TRIM14: variants seen among roughly 807,000 people sequenced by gnomAD.
TRIM14 encodes tripartite motif containing 14, also known as tripartite motif-containing protein 14.
TRIM14 carries 28 observed loss-of-function variants against 44.5 expected under a neutral mutation model. That is an observed-to-expected ratio of 0.63 (90% confidence interval 0.47 to 0.86). The LOEUF is 0.86. TRIM14 is among the 40% of genes least tolerant of loss of function. The probability of loss-of-function intolerance (pLI) is 0.00; values close to 1 mark genes in which losing one functional copy is unlikely to be tolerated. For missense variants in TRIM14, 607 were observed against 611.1 expected (o/e 0.99, Z 0.07); for synonymous variants, 299 against 269.2 (o/e 1.11, Z -1.08).
At chr9:98,067,105 AACTC>A (rs1219265794), downstream of TRIM14, among the ~76,000 whole-genome samples, 2 of 152,094 alleles carry the variant, frequency 1.3e-5, no homozygotes, top group African/African-American at 4.8e-5. Flanking sequence ...TTTTTTGACT[AACTC>A]ATAATTCAAT....
At chr9:98,045,831 G>C in the TRIM14 span, among the ~76,000 whole-genome samples, 206 of 152,286 alleles carry the variant, frequency 1.4e-3, 2 homozygotes, top group African/African-American at 4.8e-3. Context: ...GGAGCAGCTG[G>C]GGATCATGGT....
At chr9:98,104,828 G>A (rs749153996) in intron 2 of TRIM14, among the ~76,000 whole-genome samples, 4 of 152,238 alleles carry the variant, frequency 2.6e-5, no homozygotes, top group Non-Finnish European at 5.9e-5. Context: ...TCTGGGTCCT[G>A]TGGAGAGTGA....
chr9:98,082,822 A>G (rs1277859459), downstream of TRIM14: 3 of 1,610,932 alleles, frequency 1.9e-6, no homozygotes, highest in Admixed American at 1.7e-5. Context: ...TGAAGCTGGC[A>G]CTGAATGTTC....
intron 1 of TRIM14, among the ~76,000 whole-genome samples, chr9:98,116,558 C>T (rs1442600982): frequency 6.6e-6 from 1 of 151,990 alleles, no homozygotes; most frequent in East Asian, 1.9e-4. Context: ...AAATCCAGGC[C>T]AGGCGTGGTG....
At chr9:98,070,318 A>G (rs1221846176) in intron 6 of TRIM14, among the ~76,000 whole-genome samples, 1 of 152,034 alleles carries the variant, frequency 6.6e-6, no homozygotes, top group African/African-American at 2.4e-5. Context: ...GGGTTTCACC[A>G]TGTTGACCAG....
In TRIM14 at chr9:98,119,184, G is replaced by T; in HGVS notation, c.5C>A (p.Ala2Glu). The change falls in exon 1 of 6, where the codon GCG (alanine) becomes GAG (glutamate). Residue 2 changes from alanine to glutamate, a missense_variant. Ala to Glu is a moderately radical substitution (Grantham distance 107, BLOSUM62 -1). Around this residue, in one of 3 missense-constraint regions of TRIM14, gnomAD observed 246 missense variants for 270.8 expected, o/e 0.91. Transcript: ENST00000341469. MAGAATGSRTPG... is the reference protein window; with the variant it reads MEGAATGSRTPG... ...GGTCCGGCTCCCGGTCGCCGCGCCC[G>T]CCATTCATCTCCACCTCCTCCGGCT... 3 of 1,572,924 alleles carry T rather than the reference G, an allele frequency of 1.9e-6. No homozygotes were observed. Among genetic ancestry groups the T allele is most frequent in the Non-Finnish European group, 2.6e-6 (3 of 1,169,926 alleles).
chr9:98,064,500 C>T (rs980684182), downstream of TRIM14, among the ~76,000 whole-genome samples: 64 of 152,150 alleles, frequency 4.2e-4, 2 homozygotes, highest in Non-Finnish European at 1.3e-4. Context: ...CAGTGATCCG[C>T]CTGCCTCGGC....
At chr9:98,092,592 C>G (rs1826038232) in intron 4 of TRIM14, 2 of 244,358 alleles carry the variant, frequency 8.2e-6, no homozygotes, top group Non-Finnish European at 8.7e-6. Flanking sequence ...CTGTTTAAAT[C>G]AAGTTTTGCC....
chr9:98,087,776 G>A lies in TRIM14; in HGVS notation c.1023C>T (p.Tyr341=). Residue 341 remains tyrosine (Y), a synonymous_variant, in exon 6 of 6, where the codon TAC becomes TAT. Transcript: ENST00000341469. ...AGGCCCCGCGGCGCCGAAGGGAGGC[G>A]TAGGCCGCGCCCACCCACCAGCCGG... is the stretch of plus-strand genomic sequence containing the variant. ...AGAGWWVGAA[Y]ASLRRRGASA... The A allele has an allele frequency of 6.6e-7, 1 of 1,513,226 alleles. No individual in the cohort carries two copies. The highest frequency in any genetic ancestry group is 8.8e-7 in the Non-Finnish European group (1 of 1,141,504). The allele number at this position is 1,513,226 out of a possible 1,614,324, so 93.7% of individuals were successfully genotyped here.
intron 6 of TRIM14, among the ~76,000 whole-genome samples, chr9:98,071,521 A>C (rs1225590426): frequency 6.6e-6 from 1 of 152,252 alleles, no homozygotes; most frequent in East Asian, 1.9e-4. Context: ...GTTAATATAA[A>C]GCATAGTACA....
chr9:98,065,675 C>T (rs893396337), downstream of TRIM14, among the ~76,000 whole-genome samples: 2 of 149,382 alleles, frequency 1.3e-5, no homozygotes, highest in African/African-American at 2.5e-5. Flanking sequence ...AGAATGATAA[C>T]GGTTTGGCTG....
chr9:98,103,171 C>T (rs563995087), intron 2 of TRIM14, among the ~76,000 whole-genome samples: 47 of 151,558 alleles, frequency 3.1e-4, no homozygotes, highest in Admixed American at 8.5e-4. Context: ...GGCAACAGAA[C>T]GAGACTCCAT....
the TRIM14 span, among the ~76,000 whole-genome samples, chr9:98,041,784 G>T: frequency 1.4e-4 from 21 of 151,184 alleles, no homozygotes; most frequent in African/African-American, 5.1e-4. Flanking sequence ...CCAGGTTCAC[G>T]CCATTCTCCT....
At chr9:98,065,019 T>A (rs1829095089), downstream of TRIM14, among the ~76,000 whole-genome samples, 1 of 152,212 alleles carries the variant, frequency 6.6e-6, no homozygotes. Context: ...GGCAGGGGCC[T>A]CACTCTGCAT....
At chr9:98,109,745 A>G (rs1299438885) in intron 2 of TRIM14, 144 bp downstream of exon 2, 2 of 691,474 alleles carry the variant, frequency 2.9e-6, no homozygotes, top group Admixed American at 4.9e-5. Context: ...TTTCTAAAGA[A>G]CCCTGAATTA....
At chr9:98,082,988 C>A, downstream of TRIM14, 1 of 1,614,166 alleles carries the variant, frequency 6.2e-7, no homozygotes, top group Non-Finnish European at 8.5e-7. Flanking sequence ...GTCCTGGTCA[C>A]TGTTGAAGAG....
rs1825710488 is a variant in TRIM14 at position 98,084,784 on chromosome 9, C to T, written c.*2686G>A. The T allele has an allele frequency of 1.3e-5, 2 of 152,242 alleles. No homozygotes were observed. The highest frequency in any genetic ancestry group is 2.9e-5 in the Non-Finnish European group (2 of 68,102). The allele number at this position is 152,242 out of a possible 1,614,324, so 9.4% of individuals were successfully genotyped here. A position where few individuals can be genotyped will look rare whatever the true frequency, so the allele number is the denominator to read the frequency against. ...TCCTGGGTTCAAGCAACTCTCTTGC[C>T]TCAGCCTCCCTAGTAGCTGGGATTA... On this transcript the variant is annotated 3_prime_UTR_variant, in exon 6 of 6. Transcript: ENST00000341469.
the TRIM14 span, among the ~76,000 whole-genome samples, chr9:98,039,753 C>G: frequency 1.3e-5 from 2 of 152,070 alleles, no homozygotes; most frequent in East Asian, 1.9e-4. Flanking sequence ...ATGATTTCAT[C>G]CCTGAACAAT....
chr9:98,107,673 A>ATT (rs35656249), intron 2 of TRIM14, among the ~76,000 whole-genome samples: 5 of 149,430 alleles, frequency 3.3e-5, no homozygotes, highest in South Asian at 2.1e-4. Flanking sequence ...GTGTAGGTAG[A>ATT]TTTTTTTTTT....
Sources: gnomAD v4.1 joint callset for allele counts (sites outside exome capture counted in the v4.1 genomes callset) on GRCh38, gnomAD v4.1.1 for gene constraint, gnomAD v4.1.1 regional missense constraint, MANE v1.5 for transcripts, NCBI Gene and HGNC (gene_info 2026-07-23, HGNC 2026-07-21) for gene names.